The following CDK14 variants were observed in gnomAD, a reference collection of about 807,000 sequenced individuals.
The protein encoded by CDK14 is cyclin-dependent kinase 14.
Under a neutral mutation model 60.7 loss-of-function variants are expected in CDK14, and 34 were observed. That is an observed-to-expected ratio of 0.56 (90% CI 0.43 to 0.75). The LOEUF (loss-of-function observed/expected upper bound fraction) is 0.75, where lower values mean the gene tolerates loss of function less well. Ranked by LOEUF, CDK14 falls within the 30% of genes least tolerant of loss-of-function variation. The probability of loss-of-function intolerance (pLI) is 0.00; values close to 1 mark genes in which losing one functional copy is unlikely to be tolerated. For missense variants in CDK14, 482 were observed against 564.1 expected (o/e 0.85, Z 1.47); for synonymous variants, 197 against 203.7 (o/e 0.97, Z 0.28).
chr7:91,096,953 A>G (rs1799009063), intron 12 of CDK14, among the ~76,000 whole-genome samples: 2 of 152,344 alleles, frequency 1.3e-5, no homozygotes, highest in South Asian at 2.1e-4. Context: ...AGAAAAGTCT[A>G]CACCCTCAAC....
chr7:90,837,092 G>A (rs902231078), intron 5 of CDK14, among the ~76,000 whole-genome samples: 1 of 152,100 alleles, frequency 6.6e-6, no homozygotes. Flanking sequence ...CTCCAGAGTA[G>A]GAGTTAGTTT....
At chr7:91,024,102 C>T (rs959176329) in intron 10 of CDK14, among the ~76,000 whole-genome samples, 5 of 142,638 alleles carry the variant, frequency 3.5e-5, no homozygotes, top group Non-Finnish European at 4.6e-5. Context: ...AGCTAAGCAA[C>T]CCATCCAAAA....
At chr7:91,035,693 T>C (rs913843607) in intron 10 of CDK14, among the ~76,000 whole-genome samples, 1 of 151,934 alleles carries the variant, frequency 6.6e-6, no homozygotes, top group African/African-American at 2.4e-5. Flanking sequence ...TATCATATGA[T>C]TAAATGATTA....
chr7:90,686,180 CTTA>C (rs1801431040), intron 2 of CDK14, among the ~76,000 whole-genome samples: 1 of 151,978 alleles, frequency 6.6e-6, no homozygotes. Flanking sequence ...AATATTAATT[CTTA>C]TTATGATGAT....
intron 2 of CDK14, among the ~76,000 whole-genome samples, chr7:90,676,946 G>GTT (rs10668053): frequency 0.39 from 58,546 of 148,926 alleles, 11,820 homozygotes; most frequent in East Asian, 0.66. Context: ...TGTATATCAA[G>GTT]TTTTTTTTTT....
At chr7:90,610,561 T>C (rs1799519271) in intron 2 of CDK14, among the ~76,000 whole-genome samples, 1 of 152,226 alleles carries the variant, frequency 6.6e-6, no homozygotes, top group Admixed American at 6.5e-5. Flanking sequence ...AATAACAGAA[T>C]TTTTATTGTC....
chr7:91,019,020 G>A (rs73230805), intron 10 of CDK14, among the ~76,000 whole-genome samples: 21,427 of 152,154 alleles, frequency 0.14, 1,930 homozygotes, highest in African/African-American at 0.25. Context: ...GTTTTAGCCT[G>A]TGAATTCTGG....
chr7:90,950,046 T>C (rs1427466222), intron 8 of CDK14, among the ~76,000 whole-genome samples: 3 of 152,256 alleles, frequency 2.0e-5, no homozygotes, highest in Non-Finnish European at 4.4e-5. Flanking sequence ...GTTACTGTTA[T>C]TCGCATTGAG....
chr7:91,201,044 C>A (rs1189536396), intron 14 of CDK14, among the ~76,000 whole-genome samples: 1 of 151,950 alleles, frequency 6.6e-6, no homozygotes, highest in Non-Finnish European at 1.5e-5. Flanking sequence ...TTTTTATTTC[C>A]TTTTTGAAAG....
intron 9 of CDK14, among the ~76,000 whole-genome samples, chr7:90,980,832 T>C (rs960723695): frequency 3.3e-5 from 5 of 152,198 alleles, no homozygotes; most frequent in Non-Finnish European, 7.3e-5. Flanking sequence ...CTGAATAGAA[T>C]TGCAGCATAG....
At chr7:90,696,336 CTTTT>C (rs1554435989) in intron 2 of CDK14, among the ~76,000 whole-genome samples, 6 of 125,706 alleles carry the variant, frequency 4.8e-5, no homozygotes, top group South Asian at 4.8e-4. Context: ...ACTTCTTCTT[CTTTT>C]TTTTTTTTTT....
intron 9 of CDK14, among the ~76,000 whole-genome samples, chr7:90,969,574 A>G (rs983684617): frequency 1.3e-5 from 2 of 152,200 alleles, no homozygotes; most frequent in Admixed American, 6.5e-5. Flanking sequence ...CTTGTTTTGT[A>G]TCAGCTGTCA....
chr7:90,894,769 C>A (rs1254465080), intron 6 of CDK14, among the ~76,000 whole-genome samples: 1 of 152,136 alleles, frequency 6.6e-6, no homozygotes, highest in Non-Finnish European at 1.5e-5. Context: ...ATATATAACA[C>A]CATAAATGTT....
rs200197985 is a variant in CDK14 at position 91,117,992 on chromosome 7, A to AT, written c.1295-66dup. ...CATCCAAACTTGCATCTCAGTCTCC[A>AT]TTTTTTTAAAAAAAAAACATGATTA... On this transcript the variant is annotated intron_variant, in intron 13 of 14. Transcript: ENST00000380050. The AT allele has an allele frequency of 3.1e-3, 2,232 of 727,370 alleles. 4 individuals carry two copies. Among genetic ancestry groups the AT allele is most frequent in the South Asian group, 4.6e-3 (208 of 45,668 alleles). 45.1% of individuals were successfully genotyped at this position (727,370 alleles called of 1,614,324 possible).
chr7:90,635,765 A>T (rs2116419639), intron 2 of CDK14, among the ~76,000 whole-genome samples: 1 of 152,250 alleles, frequency 6.6e-6, no homozygotes, highest in African/African-American at 2.4e-5. Flanking sequence ...CCTATCCATG[A>T]GCATGGAATA....
At chr7:90,937,551 G>T (rs7798689) in intron 8 of CDK14, among the ~76,000 whole-genome samples, 50,864 of 151,986 alleles carry the variant, frequency 0.33, 8,889 homozygotes, top group East Asian at 0.49. Context: ...ATCTGGAATA[G>T]TAGGATTTCA....
intron 8 of CDK14, among the ~76,000 whole-genome samples, chr7:90,933,049 A>G (rs1287700205): frequency 2.6e-5 from 4 of 152,174 alleles, no homozygotes; most frequent in African/African-American, 9.7e-5. Context: ...TCCATAAGGA[A>G]TAACAGTTGG....
intron 14 of CDK14, among the ~76,000 whole-genome samples, chr7:91,145,430 G>A (rs1056261959): frequency 1.3e-5 from 2 of 152,110 alleles, no homozygotes; most frequent in African/African-American, 2.4e-5. Flanking sequence ...TTTAAAAGTC[G>A]CAAAAAAATT....
intron 10 of CDK14, among the ~76,000 whole-genome samples, chr7:91,037,176 T>A (rs1199127085): frequency 6.6e-6 from 1 of 152,270 alleles, no homozygotes. Flanking sequence ...CACATTTTCC[T>A]GGTGTTAGGT....
Sources: allele counts gnomAD v4.1 joint callset (sites outside exome capture counted in the v4.1 genomes callset), GRCh38; gene constraint gnomAD v4.1.1; transcripts MANE v1.5; gene names NCBI Gene and HGNC (gene_info 2026-07-23, HGNC 2026-07-21).